EIF4G3: variants seen among roughly 807,000 people sequenced by gnomAD.
EIF4G3 encodes eukaryotic translation initiation factor 4 gamma 3, also known as eIF-4-gamma 3.
In EIF4G3, 34 loss-of-function variants were observed where a neutral mutation model predicts 186.4. The ratio of observed to expected loss-of-function variants is 0.18; its 90% confidence interval spans 0.14 to 0.24. The LOEUF (loss-of-function observed/expected upper bound fraction) is 0.24, where lower values mean the gene tolerates loss of function less well. Ranked by LOEUF, EIF4G3 falls within the 10% of genes least tolerant of loss-of-function variation. The pLI is 1.00. For missense variants in EIF4G3, 1,536 were observed against 1,948.5 expected (o/e 0.79, Z 3.99); for synonymous variants, 673 against 679.5 (o/e 0.99, Z 0.15).
chr1:20,994,642 T>C (rs2154568229), intron 7 of EIF4G3, among the ~76,000 whole-genome samples: 1 of 149,460 alleles, frequency 6.7e-6, no homozygotes, highest in East Asian at 1.9e-4. Context: ...TTTTTTTTTT[T>C]TTTTGAGATA....
chr1:21,117,699 T>C (rs2096849040), intron 2 of EIF4G3, among the ~76,000 whole-genome samples: 1 of 136,194 alleles, frequency 7.3e-6, no homozygotes, highest in African/African-American at 2.7e-5. Flanking sequence ...TTTGTAATTC[T>C]GGTCAATGGA....
At position 20,838,181 on chromosome 1, in the gene EIF4G3, T is replaced by G. The variant is rs547914005; in HGVS notation, c.4061+2675A>C. On this transcript the variant is annotated intron_variant, in intron 30 of 36. Coordinates refer to ENST00000602326, the MANE Select transcript of EIF4G3 (RefSeq NM_001391906.1). ...TCAGAGAATCCCACAAAGGGAGAAA[T>G]GCAAATGTCTGAGATATCCGAGAGA... Among the ~76,000 whole-genome samples the G allele has an allele frequency of 1.5e-3, 229 of 152,252 alleles. 1 individual carries two copies. The highest frequency in any genetic ancestry group is 6.8e-3 in the Middle Eastern group (2 of 294).
At chr1:20,826,368 T>C (rs538721877) in intron 32 of EIF4G3, among the ~76,000 whole-genome samples, 1 of 151,532 alleles carries the variant, frequency 6.6e-6, no homozygotes, top group Admixed American at 6.6e-5. Flanking sequence ...GATTTTGCCA[T>C]GTTGGCCAGA....
At chr1:20,900,345 T>C (rs1467768463) in intron 15 of EIF4G3, among the ~76,000 whole-genome samples, 1 of 152,178 alleles carries the variant, frequency 6.6e-6, no homozygotes, top group Admixed American at 6.5e-5. Flanking sequence ...TTTTACACTG[T>C]CTTCTGGCTG....
Position 21,093,848 on chromosome 1 carries a change from A to G in EIF4G3, c.-271-4635T>C, listed in dbSNP as rs1198723804. ...AAACCATCATTCTCAGCAAACTATC[A>G]CAAGGACAAAAAACCAAACACCACA... is the stretch of plus-strand genomic sequence containing the variant. On this transcript the variant is annotated intron_variant, in intron 2 of 36. Coordinates refer to ENST00000602326, the MANE Select transcript of EIF4G3 (RefSeq NM_001391906.1). 1.2e-4 allele frequency among the ~76,000 whole-genome samples: 19 copies of G among 152,218 alleles called. No individual in the cohort carries two copies. In the South Asian group the frequency reaches 3.9e-3, roughly 32 times the overall value.
chr1:21,094,933 C>G (rs1031410510), intron 2 of EIF4G3, among the ~76,000 whole-genome samples: 3 of 152,024 alleles, frequency 2.0e-5, no homozygotes, highest in African/African-American at 7.2e-5. Context: ...CAGGATCCCT[C>G]GAGCCCAAAT....
chr1:21,050,939 T>C lies in EIF4G3; in HGVS notation c.-140A>G. On this transcript the variant is annotated 5_prime_UTR_variant, in exon 4 of 37. The change abolishes an upstream ATG in the 5' untranslated region. Coordinates refer to ENST00000602326, the MANE Select transcript of EIF4G3 (RefSeq NM_001391906.1). ...ATTTGGATGCCCCTTGTTTATTTCA[T>C]GTGCTGAATAAGGGGATGGGGTAGG... is the stretch of plus-strand genomic sequence containing the variant. The C allele has an allele frequency of 2.8e-6, 2 of 716,820 alleles. No individual in the cohort carries two copies. Among genetic ancestry groups the C allele is most frequent in the South Asian group, 1.5e-5 (1 of 67,416 alleles). 44.4% of individuals were successfully genotyped at this position (716,820 alleles called of 1,614,324 possible). A position where few individuals can be genotyped will look rare whatever the true frequency, so the allele number is the denominator to read the frequency against.
At chr1:20,882,636 A>T (rs1424839243) in intron 19 of EIF4G3, among the ~76,000 whole-genome samples, 1 of 151,208 alleles carries the variant, frequency 6.6e-6, no homozygotes, top group African/African-American at 2.4e-5. Context: ...AAAACAAAAA[A>T]AAACAAAAAA....
intron 7 of EIF4G3, among the ~76,000 whole-genome samples, chr1:20,983,241 T>C (rs1033385980): frequency 1.3e-5 from 2 of 152,076 alleles, no homozygotes; most frequent in South Asian, 2.1e-4. Flanking sequence ...CAGAAAGGTA[T>C]AGCAGGAGAA....
intron 34 of EIF4G3, among the ~76,000 whole-genome samples, chr1:20,814,908 G>C (rs1231458976): frequency 4.4e-5 from 5 of 114,614 alleles, no homozygotes; most frequent in Admixed American, 9.1e-5. Flanking sequence ...TCAGCCTGCC[G>C]AGTGCCTGCG....
At chr1:21,083,488 T>C (rs1247398249) in intron 3 of EIF4G3, among the ~76,000 whole-genome samples, 3 of 48,502 alleles carry the variant, frequency 6.2e-5, no homozygotes, top group Non-Finnish European at 5.2e-5. Context: ...ACACACACAC[T>C]TTTTTTTTTT....
chr1:21,034,934 A>AGCCCTGGGG (rs2093053076), intron 4 of EIF4G3, among the ~76,000 whole-genome samples: 1 of 151,970 alleles, frequency 6.6e-6, no homozygotes, highest in Non-Finnish European at 1.5e-5. Flanking sequence ...GGCAAGGGGG[A>AGCCCTGGGG]GCCCTGGGGC....
chr1:21,109,002 G>A (rs930158287), intron 2 of EIF4G3, among the ~76,000 whole-genome samples: 8 of 151,558 alleles, frequency 5.3e-5, no homozygotes, highest in African/African-American at 1.9e-4. Flanking sequence ...TGGATCGCAT[G>A]AGGCAAAGAG....
chr1:20,893,463 C>T (rs2086825543), intron 18 of EIF4G3, 54 bp downstream of exon 18: 1 of 1,504,374 alleles, frequency 6.6e-7, no homozygotes, highest in Non-Finnish European at 9.0e-7. Flanking sequence ...GGTAGGATTT[C>T]ATGGAGTCTG....
chr1:21,074,012 GT>G (rs2095515588), intron 3 of EIF4G3, among the ~76,000 whole-genome samples: 1 of 151,872 alleles, frequency 6.6e-6, no homozygotes, highest in Non-Finnish European at 1.5e-5. Flanking sequence ...ACTTTCATAT[GT>G]TTTTCTACCA....
chr1:21,063,854 C>T (rs951584566), intron 3 of EIF4G3, among the ~76,000 whole-genome samples: 4 of 150,670 alleles, frequency 2.7e-5, no homozygotes, highest in Admixed American at 6.6e-5. Flanking sequence ...GGATTACAGG[C>T]GCATGCCATC....
At chr1:21,168,136 G>A (rs925914215) in intron 2 of EIF4G3, 56 of 449,108 alleles carry the variant, frequency 1.2e-4, no homozygotes, top group Non-Finnish European at 2.3e-5. Context: ...GGGTGTGGTG[G>A]CTCACGCCTG....
rs569472884 is a variant in EIF4G3 at position 21,052,965 on chromosome 1, G to A, written c.-195-1971C>T. On this transcript the variant is annotated intron_variant, in intron 3 of 36. Transcript: ENST00000602326. ...CCTCCCAGCTGCCTGCCTTGGCCCCGCAAAGTGCCGAGATTGCAGCCTCTG... is the reference window on the plus strand; with the variant it reads ...CCTCCCAGCTGCCTGCCTTGGCCCCACAAAGTGCCGAGATTGCAGCCTCTG... Among the ~76,000 whole-genome samples, 850 of 139,274 alleles carry A rather than the reference G, an allele frequency of 6.1e-3. 8 individuals are homozygous for A. Among genetic ancestry groups the A allele is most frequent in the East Asian group, 0.025 (121 of 4,794 alleles). 91.4% of individuals were successfully genotyped at this position (139,274 alleles called of 152,430 possible).
chr1:20,980,523 A>C, intron 9 of EIF4G3, 75 bp from the exon 10 acceptor site: 4 of 1,009,218 alleles, frequency 4.0e-6, no homozygotes, highest in Non-Finnish European at 5.6e-6. Flanking sequence ...AATAATAAGA[A>C]AGTAGCTTAC....
Sources: allele counts gnomAD v4.1 joint callset (sites outside exome capture counted in the v4.1 genomes callset), GRCh38; gene constraint gnomAD v4.1.1; transcripts MANE v1.5; gene names NCBI Gene and HGNC (gene_info 2026-07-23, HGNC 2026-07-21).